HDAC4: variants seen among roughly 807,000 people sequenced by gnomAD.
HDAC4 encodes histone deacetylase A.
A neutral mutation model predicts 135.1 loss-of-function variants in HDAC4; 16 were observed. The observed-to-expected ratio is 0.12, with a 90% CI of 0.08 to 0.18. The LOEUF is 0.18. Ranked by LOEUF, HDAC4 falls within the 10% of genes least tolerant of loss-of-function variation. HDAC4 has a pLI of 1.00. For synonymous variants in HDAC4, 685 were observed against 653.4 expected, an observed-to-expected ratio of 1.05 and a Z score of -0.74; for missense variants, 1,143 against 1,511.8, an observed-to-expected ratio of 0.76 and a Z score of 4.05.
intron 12 of HDAC4, among the ~76,000 whole-genome samples, chr2:239,119,606 G>A (rs941636773): frequency 6.6e-6 from 1 of 150,678 alleles, no homozygotes; most frequent in Non-Finnish European, 1.5e-5. Flanking sequence ...GGCTGAGAAC[G>A]CAGAGATGGG....
In HDAC4 at chr2:239,090,044, C is replaced by G; in HGVS notation, c.2353G>C (p.Glu785Gln). Residue 785 changes from glutamate to glutamine, a missense_variant, in exon 18 of 27, where the codon GAG becomes CAG. Physicochemically the swap from Glu to Gln is conservative, Grantham distance 29. This residue lies in a region of HDAC4 where 189 missense variants were observed against 317.6 expected (regional missense o/e 0.60). Transcript: ENST00000543185. Reference sequence around the variant, plus strand: ...CCTGTGGCCACCTTGAAGACCAGCTCTACCACGCAGCCCACAGCCAGGCGG... The same window carrying G: ...CCTGTGGCCACCTTGAAGACCAGCTGTACCACGCAGCCCACAGCCAGGCGG... ...AARLAVGCVVELVFKVATGEL... is the reference protein window; with the variant it reads ...AARLAVGCVVQLVFKVATGEL... The G allele has an allele frequency of 6.2e-7, 1 of 1,613,910 alleles. No homozygotes were observed. Among genetic ancestry groups the G allele is most frequent in the South Asian group, 1.1e-5 (1 of 91,088 alleles).
At chr2:239,296,386 G>T (rs993618446) in intron 2 of HDAC4, among the ~76,000 whole-genome samples, 1 of 152,202 alleles carries the variant, frequency 6.6e-6, no homozygotes, top group Non-Finnish European at 1.5e-5. Context: ...GTCCTGCAGC[G>T]CCCTGGCCCA....
chr2:239,082,733 G>C (rs2035464151), intron 20 of HDAC4, among the ~76,000 whole-genome samples: 1 of 152,234 alleles, frequency 6.6e-6, no homozygotes, highest in Non-Finnish European at 1.5e-5. Flanking sequence ...TGAGTGACAG[G>C]CACACACAGT....
intron 3 of HDAC4, among the ~76,000 whole-genome samples, chr2:239,209,120 A>T (rs565156012): frequency 5.3e-5 from 8 of 152,314 alleles, no homozygotes; most frequent in Admixed American, 5.2e-4. Flanking sequence ...AGCTCAAGCA[A>T]TTCATTTGCC....
intron 4 of HDAC4, among the ~76,000 whole-genome samples, chr2:239,180,229 G>A (rs1209172009): frequency 7.2e-5 from 11 of 152,084 alleles, no homozygotes; most frequent in African/African-American, 2.4e-4. Context: ...CGGGCACCCA[G>A]CACACACACC....
intron 16 of HDAC4, among the ~76,000 whole-genome samples, chr2:239,096,319 G>A (rs961252622): frequency 1.3e-4 from 19 of 151,378 alleles, no homozygotes; most frequent in African/African-American, 1.7e-4. Flanking sequence ...CTTAGCCCAC[G>A]GATGCCCGCA....
At chr2:239,103,598 A>T (rs1031881196) in intron 15 of HDAC4, among the ~76,000 whole-genome samples, 1 of 152,238 alleles carries the variant, frequency 6.6e-6, no homozygotes, top group Non-Finnish European at 1.5e-5. Flanking sequence ...CCACAGGATG[A>T]GTCAGACGCC....
At chr2:239,260,688 G>T (rs1049834704) in intron 2 of HDAC4, among the ~76,000 whole-genome samples, 2 of 152,210 alleles carry the variant, frequency 1.3e-5, no homozygotes, top group South Asian at 2.1e-4. Flanking sequence ...AGCCTGCAAG[G>T]TTGGATGTGA....
intron 17 of HDAC4, among the ~76,000 whole-genome samples, chr2:239,092,313 C>T (rs947775882): frequency 3.9e-5 from 6 of 152,138 alleles, no homozygotes; most frequent in Non-Finnish European, 2.9e-5. Flanking sequence ...CAAGATTCTG[C>T]CACCTGCTCT....
rs986372752 is a variant in HDAC4, at chr2:239,338,666, A to G, written c.22+14012T>C. ...TAAGGGAGTTCTCCAAATCCTCAGC[A>G]GCTGCTATGAGATTCCCGTGGATTT... On this transcript the variant is annotated intron_variant, in intron 2 of 26. Coordinates refer to ENST00000543185, the MANE Select transcript of HDAC4 (RefSeq NM_001378414.1). Among the ~76,000 whole-genome samples, 12 of 152,388 alleles carry G rather than the reference A, an allele frequency of 7.9e-5. No homozygotes were observed. In the East Asian group the frequency reaches 2.3e-3, roughly 29 times the overall value.
At position 239,115,872 on chromosome 2, in the gene HDAC4, CT is replaced by C. The variant is rs974990813; in HGVS notation, c.1534-563del. 1.3e-5 allele frequency among the ~76,000 whole-genome samples: 2 copies of C among 152,084 alleles called. No homozygotes were observed. Among genetic ancestry groups the C allele is most frequent in the African/African-American group, 4.8e-5 (2 of 41,394 alleles). On this transcript the variant is annotated intron_variant, in intron 12 of 26. Transcript: ENST00000543185. The surrounding 1 kb of genome is among the most constrained non-coding windows in gnomAD (Gnocchi z 6.3). ...GAACACTCCAGGACCTCCCTTCCTGCTGAATCCCAGGGATGCCACGGCCTCC... is the reference window on the plus strand; with the variant it reads ...GAACACTCCAGGACCTCCCTTCCTGCGAATCCCAGGGATGCCACGGCCTCC...
chr2:239,382,271 T>G (rs1216787263), intron 1 of HDAC4, among the ~76,000 whole-genome samples: 1 of 152,270 alleles, frequency 6.6e-6, no homozygotes, highest in Non-Finnish European at 1.5e-5. Context: ...TTTATTTGCG[T>G]GCATTGGTGA....
At chr2:239,282,269 G>A (rs2050821808) in intron 2 of HDAC4, among the ~76,000 whole-genome samples, 1 of 120,456 alleles carries the variant, frequency 8.3e-6, no homozygotes, top group African/African-American at 3.4e-5. Flanking sequence ...TACACACAAT[G>A]TACACACCAC....
At chr2:239,162,229 C>T (rs1225486413) in intron 6 of HDAC4, 1 of 456,758 alleles carries the variant, frequency 2.2e-6, no homozygotes, top group Non-Finnish European at 4.4e-6. Flanking sequence ...TCACTGTCTT[C>T]TCAAAGCTCG....
chr2:239,053,675 T>A (rs954951527), intron 25 of HDAC4, 74 bp from the exon 26 acceptor site: 9 of 1,323,082 alleles, frequency 6.8e-6, no homozygotes, highest in Non-Finnish European at 8.6e-6. Context: ...GGGAAGGTCC[T>A]GCGGGACCCT....
chr2:239,128,804 G>A (rs938317856), intron 11 of HDAC4, among the ~76,000 whole-genome samples: 1 of 151,990 alleles, frequency 6.6e-6, no homozygotes, highest in Non-Finnish European at 1.5e-5. Flanking sequence ...CCCTGCCCAG[G>A]CCTGACCCTC....
In HDAC4 at chr2:239,299,683, C is replaced by T. The variant is rs186373614; in HGVS notation, c.22+52995G>A. Among the ~76,000 whole-genome samples, 423 of 152,320 alleles carry T rather than the reference C, an allele frequency of 2.8e-3. No homozygotes were observed. Among genetic ancestry groups the T allele is most frequent in the African/African-American group, 9.9e-3 (413 of 41,564 alleles). On this transcript the variant is annotated intron_variant, in intron 2 of 26. Coordinates refer to ENST00000543185, the MANE Select transcript of HDAC4 (RefSeq NM_001378414.1). This position sits in a 1 kb window ranked among gnomAD's most constrained non-coding sequence, Gnocchi z 4.0. ...GTGAGAAGCGTCATGGGTAGAATCA[C>T]GGAGCAAGGTCCTGCCCACCTGCAC...
intron 1 of HDAC4, among the ~76,000 whole-genome samples, chr2:239,355,183 C>A (rs941207465): frequency 3.6e-4 from 55 of 152,154 alleles, no homozygotes; most frequent in Non-Finnish European, 1.5e-5. Flanking sequence ...ACTCTTTCAA[C>A]AAATATAGGT....
chr2:239,195,038 G>A (rs1172330272), intron 3 of HDAC4, among the ~76,000 whole-genome samples: 2 of 152,226 alleles, frequency 1.3e-5, no homozygotes, highest in Non-Finnish European at 2.9e-5. Flanking sequence ...ACCTTCTGCT[G>A]AGAAGGAGCC....
Sources: gnomAD v4.1 joint callset for allele counts (sites outside exome capture counted in the v4.1 genomes callset) on GRCh38, gnomAD v4.1.1 for gene constraint, gnomAD v4.1.1 regional missense constraint, Gnocchi (gnomAD v3.1) non-coding constraint, MANE v1.5 for transcripts, NCBI Gene and HGNC (gene_info 2026-07-23, HGNC 2026-07-21) for gene names.